The following SOX6 variants were observed in gnomAD, a reference collection of about 807,000 sequenced individuals.
SOX6 encodes the protein SRY-box transcription factor 6.
Under a neutral mutation model 97.8 loss-of-function variants are expected in SOX6, and 11 were observed. The observed-to-expected ratio is 0.11, with a 90% confidence interval of 0.07 to 0.19. The LOEUF is 0.19. SOX6 is among the 10% of genes least tolerant of loss of function. The probability of loss-of-function intolerance (pLI) is 1.00; values close to 1 mark genes in which losing one functional copy is unlikely to be tolerated. For missense variants in SOX6, 810 were observed against 1,039.5 expected (o/e 0.78, Z 3.04); for synonymous variants, 360 against 371.4 (o/e 0.97, Z 0.35).
intron 4 of SOX6, chr11:16,484,262 T>G: frequency 9.1e-7 from 1 of 1,096,694 alleles, no homozygotes; most frequent in East Asian, 2.3e-5. Context: ...GTCCAGAATG[T>G]TGGTGTCACT....
At chr11:16,719,451 A>G (rs541439501) in intron 2 of SOX6, among the ~76,000 whole-genome samples, 1 of 152,366 alleles carries the variant, frequency 6.6e-6, no homozygotes, top group East Asian at 1.9e-4. Flanking sequence ...CTCCCCTGAA[A>G]GAAAACCCAG....
intron 1 of SOX6, among the ~76,000 whole-genome samples, chr11:16,438,652 T>A (rs908426281): frequency 5.3e-5 from 8 of 151,892 alleles, no homozygotes; most frequent in Non-Finnish European, 7.4e-5. Context: ...AGGATCAGGA[T>A]CTGATCTACC....
intron 3 of SOX6, among the ~76,000 whole-genome samples, chr11:16,677,381 T>C (rs1564866529): frequency 6.6e-6 from 1 of 152,186 alleles, no homozygotes; most frequent in Non-Finnish European, 1.5e-5. Context: ...TATTATTAAA[T>C]ATTTCCCTGG....
chr11:16,181,091 GA>G (rs1022217253), intron 6 of SOX6, among the ~76,000 whole-genome samples: 43 of 151,304 alleles, frequency 2.8e-4, no homozygotes, highest in East Asian at 7.8e-4. Flanking sequence ...AAATTGGGGG[GA>G]AAAAAACAGT....
At chr11:16,223,447 T>A (rs1852600553) in intron 4 of SOX6, among the ~76,000 whole-genome samples, 1 of 152,160 alleles carries the variant, frequency 6.6e-6, no homozygotes, top group Non-Finnish European at 1.5e-5. Flanking sequence ...CATTTCACTC[T>A]CAGATTCATA....
intron 14 of SOX6, among the ~76,000 whole-genome samples, 196 bp from the exon 15 acceptor site, chr11:15,986,616 T>C (rs1328599587): frequency 6.6e-6 from 1 of 152,182 alleles, no homozygotes; most frequent in African/African-American, 2.4e-5. Context: ...CTTTCTTGTG[T>C]TATTTATCTC....
At position 16,234,572 on chromosome 11, in the gene SOX6, T is replaced by A; in HGVS notation, c.535+10A>T. Reference sequence around the variant, plus strand: ...CTGCATTGACATGTTCGATATATTTTATGTTGTACCTTTAATTTCTCCAAG... The same window carrying A: ...CTGCATTGACATGTTCGATATATTTAATGTTGTACCTTTAATTTCTCCAAG... On this transcript the variant is annotated intron_variant, in intron 4 of 15. Transcript: ENST00000683767. 1 of 1,487,716 alleles carries A rather than the reference T, an allele frequency of 6.7e-7. No homozygotes were observed. The highest frequency in any genetic ancestry group is 9.3e-7 in the Non-Finnish European group (1 of 1,069,916). The allele number at this position is 1,487,716 out of a possible 1,614,324, so 92.2% of individuals were successfully genotyped here.
intron 2 of SOX6, among the ~76,000 whole-genome samples, chr11:16,325,325 C>A (rs1467679315): frequency 6.6e-6 from 1 of 151,996 alleles, no homozygotes; most frequent in Non-Finnish European, 1.5e-5. Context: ...ATGTGCTCCC[C>A]CACACACAAA....
At chr11:16,233,691 C>T (rs1012459980) in intron 4 of SOX6, among the ~76,000 whole-genome samples, 1 of 151,972 alleles carries the variant, frequency 6.6e-6, no homozygotes, top group Admixed American at 6.6e-5. Context: ...CTTGTATTAT[C>T]CTCATTTTAT....
intron 1 of SOX6, among the ~76,000 whole-genome samples, chr11:16,382,832 T>C (rs561229904): frequency 6.6e-6 from 1 of 151,986 alleles, no homozygotes; most frequent in East Asian, 1.9e-4. Context: ...GTTGTACTAG[T>C]AATGGCAGAG....
At chr11:16,573,363 C>A (rs1399606756) in intron 4 of SOX6, among the ~76,000 whole-genome samples, 1 of 152,146 alleles carries the variant, frequency 6.6e-6, no homozygotes, top group Non-Finnish European at 1.5e-5. Context: ...ACTCAGTTTT[C>A]CCCTGGAGCC....
intron 3 of SOX6, among the ~76,000 whole-genome samples, chr11:16,284,731 C>T (rs1299539018): frequency 4.6e-5 from 7 of 152,024 alleles, no homozygotes; most frequent in African/African-American, 1.7e-4. Flanking sequence ...CAATAGAAAC[C>T]CACGTATGTC....
At chr11:16,343,211 A>G (rs1856685997) in intron 1 of SOX6, among the ~76,000 whole-genome samples, 1 of 151,942 alleles carries the variant, frequency 6.6e-6, no homozygotes, top group Admixed American at 6.6e-5. Context: ...AGAGCTTGCC[A>G]CAAACAAGGG....
intron 4 of SOX6, among the ~76,000 whole-genome samples, chr11:16,604,926 G>T (rs1251925143): frequency 6.6e-6 from 1 of 152,130 alleles, no homozygotes; most frequent in Non-Finnish European, 1.5e-5. Context: ...CGGGGAAGCA[G>T]CCCGGCACCG....
chr11:16,015,803 G>C lies in SOX6; in HGVS notation c.1624-753C>G, dbSNP rs1397204813. Among the ~76,000 whole-genome samples, 4 of 151,938 alleles carry C rather than the reference G, an allele frequency of 2.6e-5. No individual in the cohort carries two copies. The East Asian group carries it at 7.8e-4, about 29-fold the overall frequency. ...TGACCATCATTAATATGGTGTTCTT[G>C]TCTGCAGAAAAACAGCTCATGTCCC... is the stretch of plus-strand genomic sequence containing the variant. On this transcript the variant is annotated intron_variant, in intron 12 of 15. Coordinates refer to ENST00000683767, the MANE Select transcript of SOX6 (RefSeq NM_001367873.1).
At chr11:16,580,469 C>T (rs1402565170) in intron 4 of SOX6, among the ~76,000 whole-genome samples, 3 of 151,922 alleles carry the variant, frequency 2.0e-5, no homozygotes, top group Admixed American at 6.6e-5. Flanking sequence ...TGTATTAACC[C>T]CTTTTGCCTC....
At chr11:16,146,195 C>T (rs1564981597) in intron 6 of SOX6, among the ~76,000 whole-genome samples, 1 of 152,124 alleles carries the variant, frequency 6.6e-6, no homozygotes, top group South Asian at 2.1e-4. Flanking sequence ...AGAAATAATA[C>T]CACACATCTA....
chr11:16,287,618 T>G (rs991852330), intron 3 of SOX6, among the ~76,000 whole-genome samples: 1 of 152,140 alleles, frequency 6.6e-6, no homozygotes, highest in Non-Finnish European at 1.5e-5. Flanking sequence ...ATCATTAATT[T>G]CCTCATTTCT....
intron 6 of SOX6, among the ~76,000 whole-genome samples, chr11:16,115,316 C>T (rs1309598737): frequency 6.6e-6 from 1 of 152,162 alleles, no homozygotes; most frequent in Non-Finnish European, 1.5e-5. Context: ...CCCATACCTA[C>T]TGAATCAGAA....
Sources: gnomAD v4.1 joint callset for allele counts (sites outside exome capture counted in the v4.1 genomes callset) on GRCh38, gnomAD v4.1.1 for gene constraint, MANE v1.5 for transcripts, NCBI Gene and HGNC (gene_info 2026-07-23, HGNC 2026-07-21) for gene names.